SHISA9: variants seen among roughly 807,000 people sequenced by gnomAD.
The protein encoded by SHISA9 is shisa family member 9, also known as protein shisa-9.
In SHISA9, 13 loss-of-function variants were observed where a neutral mutation model predicts 38.0. The observed-to-expected ratio is 0.34, with a 90% CI of 0.22 to 0.54. The LOEUF (loss-of-function observed/expected upper bound fraction) is 0.54. SHISA9 is among the 20% of genes least tolerant of loss of function. The probability of loss-of-function intolerance (pLI) is 0.91; values close to 1 mark genes in which losing one functional copy is unlikely to be tolerated. For missense variants in SHISA9, 538 were observed against 575.8 expected (o/e 0.93, Z 0.67); for synonymous variants, 275 against 242.0 (o/e 1.14, Z -1.27).
chr16:13,036,508 T>C (rs2073066024), intron 2 of SHISA9, among the ~76,000 whole-genome samples: 1 of 152,188 alleles, frequency 6.6e-6, no homozygotes, highest in Non-Finnish European at 1.5e-5. Flanking sequence ...CTAATGAGAC[T>C]TTCTGGGGTG....
intron 3 of SHISA9, among the ~76,000 whole-genome samples, chr16:13,208,654 T>C (rs2051090463): frequency 6.6e-6 from 1 of 152,148 alleles, no homozygotes; most frequent in South Asian, 2.1e-4. Context: ...TGGTAAAATA[T>C]TAGCACACAC....
At chr16:13,059,045 T>G (rs2073342999) in intron 2 of SHISA9, among the ~76,000 whole-genome samples, 1 of 152,018 alleles carries the variant, frequency 6.6e-6, no homozygotes, top group Non-Finnish European at 1.5e-5. Flanking sequence ...CCAACTCCTA[T>G]GTTAAAGCCT....
At chr16:12,979,575 T>A (rs972461747) in intron 2 of SHISA9, among the ~76,000 whole-genome samples, 1 of 152,218 alleles carries the variant, frequency 6.6e-6, no homozygotes, top group Non-Finnish European at 1.5e-5. Context: ...ATATCTGTAT[T>A]GCTTCTCGTA....
the SHISA9 span, among the ~76,000 whole-genome samples, chr16:13,416,774 G>GGGAA: frequency 1.5e-4 from 7 of 45,536 alleles, no homozygotes; most frequent in Middle Eastern, 0.01. Context: ...AAGGAAGGAA[G>GGGAA]GGAAGGAAGG....
the SHISA9 span, among the ~76,000 whole-genome samples, chr16:13,410,735 C>T: frequency 6.6e-6 from 1 of 152,108 alleles, no homozygotes; most frequent in Admixed American, 6.5e-5. Flanking sequence ...TCAGGTTGTG[C>T]CTGAATTAGA....
At chr16:12,910,311 A>C in intron 1 of SHISA9, 37 of 207,254 alleles carry the variant, frequency 1.8e-4, no homozygotes, top group Non-Finnish European at 3.0e-4. Flanking sequence ...AAATTCATTC[A>C]TTCATTCTTT....
intron 1 of SHISA9, 161 bp downstream of exon 1, chr16:12,902,788 CGGAGAAGGGGCGCTG>C: frequency 1.4e-6 from 1 of 700,154 alleles, no homozygotes; most frequent in Non-Finnish European, 2.3e-6. Flanking sequence ...GCTTGGAACA[CGGAGAAGGGGCGCTG>C]GGCTCAGCAC....
At chr16:13,332,601 C>T in the SHISA9 span, 6 of 152,282 alleles carry the variant, frequency 3.9e-5, no homozygotes, top group East Asian at 1.2e-3. Context: ...GACAAAGATC[C>T]TTCCATCAGC....
At chr16:12,934,246 A>G (rs1055503203) in intron 2 of SHISA9, among the ~76,000 whole-genome samples, 8 of 152,232 alleles carry the variant, frequency 5.3e-5, no homozygotes, top group Admixed American at 3.3e-4. Flanking sequence ...TTCTGGAGCA[A>G]CTGCTATGCG....
At chr16:13,111,469 C>T (rs944102702) in intron 2 of SHISA9, among the ~76,000 whole-genome samples, 1 of 152,008 alleles carries the variant, frequency 6.6e-6, no homozygotes, top group Non-Finnish European at 1.5e-5. Context: ...TATTTAAGTC[C>T]TCTGTGCCTT....
chr16:13,268,326 A>G, the SHISA9 span, among the ~76,000 whole-genome samples: 6 of 152,326 alleles, frequency 3.9e-5, no homozygotes, highest in East Asian at 1.2e-3. Context: ...CCTGACCAAC[A>G]TGGTGAAACC....
At chr16:13,126,490 A>G (rs1210215402) in intron 2 of SHISA9, among the ~76,000 whole-genome samples, 6 of 147,982 alleles carry the variant, frequency 4.1e-5, no homozygotes, top group Non-Finnish European at 7.5e-5. Context: ...AGGATGAGAG[A>G]GAAAGGGAGA....
At chr16:13,130,171 AC>A (rs2050294723) in intron 2 of SHISA9, among the ~76,000 whole-genome samples, 1 of 152,148 alleles carries the variant, frequency 6.6e-6, no homozygotes, top group Admixed American at 6.6e-5. Flanking sequence ...GGGTCCTGGC[AC>A]ACAATGGGAC....
the SHISA9 span, among the ~76,000 whole-genome samples, chr16:13,465,411 G>A: frequency 4.6e-4 from 70 of 152,256 alleles, no homozygotes; most frequent in South Asian, 2.3e-3. Flanking sequence ...ATAAGATTTC[G>A]TCCACGAGGC....
intron 2 of SHISA9, among the ~76,000 whole-genome samples, chr16:12,927,266 C>T (rs1722699051): frequency 6.6e-6 from 1 of 152,152 alleles, no homozygotes; most frequent in Non-Finnish European, 1.5e-5. Context: ...TCTGAGAATG[C>T]AGTTAATGAA....
At chr16:13,454,441 G>T in the SHISA9 span, among the ~76,000 whole-genome samples, 78 of 152,244 alleles carry the variant, frequency 5.1e-4, 1 homozygote, top group African/African-American at 1.6e-3. Flanking sequence ...ATTAAATATC[G>T]TAATAGAAAG....
At chr16:12,965,054 CAT>C (rs975728056) in intron 2 of SHISA9, among the ~76,000 whole-genome samples, 18 of 152,046 alleles carry the variant, frequency 1.2e-4, no homozygotes, top group African/African-American at 4.3e-4. Flanking sequence ...CACACACATA[CAT>C]ATATATATGT....
chr16:13,461,971 A>G, the SHISA9 span, among the ~76,000 whole-genome samples: 17 of 152,146 alleles, frequency 1.1e-4, no homozygotes, highest in Non-Finnish European at 1.5e-5. Context: ...TCAATAAAGA[A>G]GAATTGTTGC....
intron 2 of SHISA9, among the ~76,000 whole-genome samples, chr16:13,185,066 C>G (rs1340579776): frequency 6.6e-6 from 1 of 152,216 alleles, no homozygotes; most frequent in Non-Finnish European, 1.5e-5. Flanking sequence ...TCACTTGCTA[C>G]ATATCCTAAA....
Sources: gnomAD v4.1 joint callset for allele counts (sites outside exome capture counted in the v4.1 genomes callset) on GRCh38, gnomAD v4.1.1 for gene constraint, MANE v1.5 for transcripts, NCBI Gene and HGNC (gene_info 2026-07-23, HGNC 2026-07-21) for gene names.